DMRT1: variants seen among roughly 807,000 people sequenced by gnomAD.
DMRT1 encodes the protein doublesex- and mab-3-related transcription factor 1.
A neutral mutation model predicts 32.3 loss-of-function variants in DMRT1; 7 were observed. The ratio of observed to expected loss-of-function variants is 0.22; its 90% CI spans 0.12 to 0.41. The LOEUF (loss-of-function observed/expected upper bound fraction) is 0.41. Ranked by LOEUF, DMRT1 falls within the 10% of genes least tolerant of loss-of-function variation. The pLI, the probability that DMRT1 is intolerant of heterozygous loss-of-function variation, is 1.00. For missense variants in DMRT1, 625 were observed against 500.5 expected, an observed-to-expected ratio of 1.25 and a Z score of -2.37; for synonymous variants, 278 against 206.1, an observed-to-expected ratio of 1.35 and a Z score of -2.99.
intron 4 of DMRT1, among the ~76,000 whole-genome samples, chr9:924,093 C>CCA (rs1554757305): frequency 3.4e-5 from 5 of 146,730 alleles, no homozygotes; most frequent in Admixed American, 6.8e-5. Context: ...TTTTTTCCAC[C>CCA]TGGAGTCTCT....
chr9:882,760 C>CTTTTTTTT (rs1010078425), intron 2 of DMRT1, among the ~76,000 whole-genome samples: 3 of 118,348 alleles, frequency 2.5e-5, no homozygotes, highest in African/African-American at 7.0e-5. Context: ...TCCCCTGAAT[C>CTTTTTTTT]TTTTTTTTTT....
chr9:879,840 T>C (rs1234133713), intron 2 of DMRT1, among the ~76,000 whole-genome samples: 1 of 152,204 alleles, frequency 6.6e-6, no homozygotes, highest in African/African-American at 2.4e-5. Flanking sequence ...GCATTGGTCA[T>C]TTGGGAAATA....
At chr9:897,781 G>A (rs1586585461) in intron 3 of DMRT1, among the ~76,000 whole-genome samples, 1 of 152,080 alleles carries the variant, frequency 6.6e-6, no homozygotes, top group East Asian at 1.9e-4. Context: ...ATGTATTTTC[G>A]TTAGCTACCT....
At chr9:927,653 C>G (rs1378816074) in intron 4 of DMRT1, among the ~76,000 whole-genome samples, 1 of 152,174 alleles carries the variant, frequency 6.6e-6, no homozygotes, top group Non-Finnish European at 1.5e-5. Context: ...TGCCCGTATA[C>G]ACGGGGTATA....
chr9:962,240 T>G (rs1169578118), intron 4 of DMRT1, among the ~76,000 whole-genome samples: 2 of 152,130 alleles, frequency 1.3e-5, no homozygotes, highest in Admixed American at 6.5e-5. Flanking sequence ...TGCTCACCTC[T>G]GAGAGGGTTT....
intron 4 of DMRT1, among the ~76,000 whole-genome samples, chr9:923,745 A>G (rs1391644597): frequency 6.6e-6 from 1 of 152,224 alleles, no homozygotes; most frequent in East Asian, 1.9e-4. Flanking sequence ...CCAGTAGGAT[A>G]GAAAAACATC....
intron 1 of DMRT1, among the ~76,000 whole-genome samples, chr9:845,086 G>A (rs957506655): frequency 3.3e-5 from 5 of 152,124 alleles, no homozygotes; most frequent in African/African-American, 1.2e-4. Context: ...GCAGCTCTGC[G>A]GTGTGGGTGC....
chr9:943,733 C>T (rs1819153113), intron 4 of DMRT1, among the ~76,000 whole-genome samples: 2 of 152,148 alleles, frequency 1.3e-5, no homozygotes. Context: ...GATCCGCCAG[C>T]AGATTACAAT....
intron 3 of DMRT1, among the ~76,000 whole-genome samples, chr9:908,544 T>C (rs2129722483): frequency 6.6e-6 from 1 of 152,236 alleles, no homozygotes; most frequent in East Asian, 1.9e-4. Flanking sequence ...GCTTGCTTTA[T>C]ATCCTTGTGT....
At chr9:940,627 C>T (rs1203858506) in intron 4 of DMRT1, among the ~76,000 whole-genome samples, 1 of 152,066 alleles carries the variant, frequency 6.6e-6, no homozygotes, top group Non-Finnish European at 1.5e-5. Context: ...AGCTTCATTA[C>T]ATTGGATTTG....
chr9:865,692 C>G (rs1238073878), intron 2 of DMRT1, among the ~76,000 whole-genome samples: 1 of 152,174 alleles, frequency 6.6e-6, no homozygotes, highest in Non-Finnish European at 1.5e-5. Flanking sequence ...CATCACATTT[C>G]CCTACACCCC....
At position 841,770 on chromosome 9, in the gene DMRT1, G is replaced by A; in HGVS notation, c.-69G>A. The A allele has an allele frequency of 1.3e-6, 2 of 1,555,538 alleles. No homozygotes were observed. The highest frequency in any genetic ancestry group is 1.2e-5 in the South Asian group (1 of 84,760). ...CCTCCGGAGCGTCGCTGTCCGTCGG[G>A]TTCATCCCTCGCAGCAGTCTCCAGG... On this transcript the variant is annotated 5_prime_UTR_variant, in exon 1 of 5. Transcript: ENST00000382276.
chr9:966,009 C>G (rs912682639), intron 4 of DMRT1, among the ~76,000 whole-genome samples: 2 of 152,098 alleles, frequency 1.3e-5, no homozygotes, highest in Non-Finnish European at 2.9e-5. Flanking sequence ...ACTTCTGTCA[C>G]TGGTTGGGGG....
chr9:861,589 A>G (rs1415016743), intron 2 of DMRT1, among the ~76,000 whole-genome samples: 2 of 152,184 alleles, frequency 1.3e-5, no homozygotes, highest in African/African-American at 2.4e-5. Context: ...CACCTCCCAG[A>G]CGGGGTGGCG....
intron 2 of DMRT1, among the ~76,000 whole-genome samples, chr9:882,676 C>T (rs1034535013): frequency 6.6e-6 from 1 of 151,864 alleles, no homozygotes; most frequent in Non-Finnish European, 1.5e-5. Flanking sequence ...GTTTGCTCAG[C>T]CTCATGTTTG....
At position 865,853 on chromosome 9, in the gene DMRT1, C is replaced by T. The variant is rs143235005; in HGVS notation, c.538+18710C>T. ...GCTGATAGATGCCTTCAGTATTAGC[C>T]ATCTGTCATCCTTTCAAAAGAGAGT... On this transcript the variant is annotated intron_variant, in intron 2 of 4. Transcript: ENST00000382276. Among the ~76,000 whole-genome samples, 514 of 152,100 alleles carry T rather than the reference C, an allele frequency of 3.4e-3. 2 individuals are homozygous for T. The highest frequency in any genetic ancestry group is 0.011 in the African/African-American group (466 of 41,492).
chr9:945,159 C>G (rs1053663837), intron 4 of DMRT1, among the ~76,000 whole-genome samples: 4 of 152,054 alleles, frequency 2.6e-5, no homozygotes, highest in South Asian at 2.1e-4. Flanking sequence ...TTCTTTCTTT[C>G]TTTCTTTTTT....
chr9:848,407 G>C (rs548377529), intron 2 of DMRT1, among the ~76,000 whole-genome samples: 3 of 152,100 alleles, frequency 2.0e-5, no homozygotes, highest in Non-Finnish European at 2.9e-5. Context: ...AAGCAGGAAG[G>C]TGTGTCTGTC....
Position 873,813 on chromosome 9 carries a change from A to T in DMRT1, c.539-20099A>T, listed in dbSNP as rs576036534. Among the ~76,000 whole-genome samples the T allele has an allele frequency of 1.2e-4, 18 of 152,310 alleles. No individual in the cohort carries two copies. In the South Asian group the frequency reaches 3.7e-3, roughly 32 times the overall value. On this transcript the variant is annotated intron_variant, in intron 2 of 4. Coordinates refer to ENST00000382276, the MANE Select transcript of DMRT1 (RefSeq NM_021951.3). ...CCATTTGGAGAGACTAAGGCTAAAG[A>T]TGACCTGCAGGGAGAGAACAGACAA...
Sources: gnomAD v4.1 joint callset for allele counts (sites outside exome capture counted in the v4.1 genomes callset) on GRCh38, gnomAD v4.1.1 for gene constraint, MANE v1.5 for transcripts, NCBI Gene and HGNC (gene_info 2026-07-23, HGNC 2026-07-21) for gene names.